Variants in TSPAN1 observed in about 807,000 individuals in gnomAD.
The protein encoded by TSPAN1 is tetraspanin-1.
In TSPAN1, 23 loss-of-function variants were observed where a neutral mutation model predicts 26.9. That is an observed-to-expected ratio of 0.85 (90% CI 0.62 to 1.21). The LOEUF (loss-of-function observed/expected upper bound fraction) is 1.21. Ranked by LOEUF, TSPAN1 falls within the 50% of genes most tolerant of loss-of-function variation. TSPAN1 has a pLI of 0.00. For missense variants in TSPAN1, 283 were observed against 298.4 expected (o/e 0.95, Z 0.38); for synonymous variants, 115 against 114.8 (o/e 1.00, Z -0.01).
chr1:46,183,758 A>G, intron 3 of TSPAN1: 1 of 220,528 alleles, frequency 4.5e-6, no homozygotes, highest in Non-Finnish European at 9.3e-6. Flanking sequence ...CTCCATTACT[A>G]TGGTGACTAT....
intron 1 of TSPAN1, among the ~76,000 whole-genome samples, chr1:46,179,161 A>C (rs1657252512): frequency 6.7e-6 from 1 of 149,886 alleles, no homozygotes; most frequent in Non-Finnish European, 1.5e-5. Flanking sequence ...CATCTGTTTA[A>C]AAAAAAAAAA....
chr1:46,181,234 G>C, intron 3 of TSPAN1, 70 bp downstream of exon 3: 2 of 1,478,798 alleles, frequency 1.4e-6, no homozygotes, highest in Non-Finnish European at 1.9e-6. Context: ...TAGAGACTAA[G>C]CTGGGGAATG....
At chr1:46,182,517 C>A (rs1571637761) in intron 3 of TSPAN1, among the ~76,000 whole-genome samples, 1 of 151,812 alleles carries the variant, frequency 6.6e-6, no homozygotes, top group Admixed American at 6.6e-5. Flanking sequence ...CGAGACCAGC[C>A]TGGCCAATAT....
the TSPAN1 span, chr1:46,192,060 C>A: frequency 6.3e-7 from 1 of 1,596,246 alleles, no homozygotes; most frequent in South Asian, 1.1e-5. Flanking sequence ...TCTTGACTGT[C>A]ATGCCACACT....
At chr1:46,190,443 C>G, downstream of TSPAN1, 2 of 1,559,872 alleles carry the variant, frequency 1.3e-6, no homozygotes, top group Non-Finnish European at 1.8e-6. Flanking sequence ...TCTTTGCTCC[C>G]TGCTACACCC....
downstream of TSPAN1, among the ~76,000 whole-genome samples, chr1:46,187,005 A>G (rs1245412549): frequency 6.6e-6 from 1 of 151,922 alleles, no homozygotes; most frequent in Non-Finnish European, 1.5e-5. Context: ...ACAGGGTTTC[A>G]CCATGTTGGC....
chr1:46,184,051 C>A, intron 3 of TSPAN1, 140 bp from the exon 4 acceptor site: 3 of 855,152 alleles, frequency 3.5e-6, no homozygotes, highest in East Asian at 5.2e-5. Flanking sequence ...GAGGATGTTT[C>A]CCTCCTTACA....
rs1036744507 is a variant in TSPAN1 at position 46,177,741 on chromosome 1, T to G, written c.-142+2332T>G. ...CTGAAATTTTTTGCCTTTCTGCTCA[T>G]GTCCATGAATGACTGCAAAAGTACC... On this transcript the variant is annotated intron_variant, in intron 1 of 8. Transcript: ENST00000372003. Among the ~76,000 whole-genome samples the G allele has an allele frequency of 2.0e-5, 3 of 152,230 alleles. No individual in the cohort carries two copies. In the South Asian group the frequency reaches 6.2e-4, roughly 31 times the overall value.
At chr1:46,195,627 G>C in the TSPAN1 span, 1 of 684,122 alleles carries the variant, frequency 1.5e-6, no homozygotes, top group Admixed American at 2.0e-5. Flanking sequence ...GAAGTACCTG[G>C]CATACAGCTG....
rs190525797 is a variant in TSPAN1 at position 46,183,793 on chromosome 1, G to A, written c.58-398G>A. 1.2e-3 allele frequency: 334 copies of A among 271,558 alleles called. 2 individuals carry two copies. Among genetic ancestry groups the A allele is most frequent in the African/African-American group, 7.3e-3 (313 of 42,792 alleles). The allele number at this position is 271,558 out of a possible 1,614,324, so 16.8% of individuals were successfully genotyped here. A position where few individuals can be genotyped will look rare whatever the true frequency, so the allele number is the denominator to read the frequency against. ...TTGAGCCTGTTCTGCTACCACCCCCGTCTCCACCTATCAGAGGACAGAGGT... is the reference window on the plus strand; with the variant it reads ...TTGAGCCTGTTCTGCTACCACCCCCATCTCCACCTATCAGAGGACAGAGGT... On this transcript the variant is annotated intron_variant, in intron 3 of 8. Coordinates refer to ENST00000372003, the MANE Select transcript of TSPAN1 (RefSeq NM_005727.4).
intron 1 of TSPAN1, among the ~76,000 whole-genome samples, chr1:46,177,853 G>A (rs375610520): frequency 3.3e-5 from 5 of 152,178 alleles, no homozygotes; most frequent in East Asian, 3.8e-4. Context: ...AGGATCCACT[G>A]TATAAGGAAA....
intron 1 of TSPAN1, chr1:46,176,532 T>C: frequency 1.3e-6 from 2 of 1,519,594 alleles, no homozygotes; most frequent in Non-Finnish European, 1.8e-6. Flanking sequence ...AGCTGAGGCC[T>C]CTATGACATA....
downstream of TSPAN1, among the ~76,000 whole-genome samples, chr1:46,186,763 C>T (rs866529771): frequency 6.7e-5 from 10 of 149,406 alleles, no homozygotes; most frequent in African/African-American, 2.2e-4. Context: ...CTGGGGTTCA[C>T]GCCATTCTCC....
chr1:46,176,107 C>T, intron 1 of TSPAN1: 3 of 1,073,762 alleles, frequency 2.8e-6, no homozygotes, highest in Non-Finnish European at 4.0e-6. Flanking sequence ...GATCTCCTGA[C>T]CTTGTGATCT....
chr1:46,176,164 C>A (rs555541930), intron 1 of TSPAN1: 4 of 1,519,832 alleles, frequency 2.6e-6, no homozygotes, highest in South Asian at 2.4e-5. Flanking sequence ...CATGAGCCAC[C>A]GCACCCAGCC....
At chr1:46,194,769 C>A in the TSPAN1 span, 11 of 1,613,428 alleles carry the variant, frequency 6.8e-6, no homozygotes, top group Non-Finnish European at 8.5e-6. Flanking sequence ...TGTTCCCCAC[C>A]CCACCCCATC....
At chr1:46,196,449 C>A in the TSPAN1 span, among the ~76,000 whole-genome samples, 1 of 152,202 alleles carries the variant, frequency 6.6e-6, no homozygotes, top group African/African-American at 2.4e-5. This position sits in a 1 kb window ranked among gnomAD's most constrained non-coding sequence, Gnocchi z 4.4. Context: ...AAGAAAGGAC[C>A]AGGGGATGGT....
chr1:46,194,695 G>A, the TSPAN1 span: 8 of 1,614,252 alleles, frequency 5.0e-6, no homozygotes, highest in Non-Finnish European at 5.9e-6. Context: ...CCAGACACCA[G>A]TTTGGGGGCT....
intron 5 of TSPAN1, 30 bp from the exon 6 acceptor site, chr1:46,184,755 A>G: frequency 6.2e-7 from 1 of 1,613,924 alleles, no homozygotes; most frequent in Non-Finnish European, 8.5e-7. Flanking sequence ...CTTCTGTACC[A>G]GCCCCTAAAC....
Sources: gnomAD v4.1 joint callset for allele counts (sites outside exome capture counted in the v4.1 genomes callset) on GRCh38, gnomAD v4.1.1 for gene constraint, Gnocchi (gnomAD v3.1) non-coding constraint, MANE v1.5 for transcripts, NCBI Gene and HGNC (gene_info 2026-07-23, HGNC 2026-07-21) for gene names.